The following NCOA4 variants were observed in gnomAD, a reference collection of about 807,000 sequenced individuals.
NCOA4 encodes nuclear receptor coactivator 4, also known as 70 kDa AR-activator.
A neutral mutation model predicts 69.5 loss-of-function variants in NCOA4; 31 were observed. The ratio of observed to expected loss-of-function variants is 0.45; its 90% CI spans 0.34 to 0.60. The LOEUF (loss-of-function observed/expected upper bound fraction) is 0.60, where lower values mean the gene tolerates loss of function less well. NCOA4 is among the 20% of genes least tolerant of loss of function. The pLI, the probability that NCOA4 is intolerant of heterozygous loss-of-function variation, is 0.02. For synonymous variants in NCOA4, 228 were observed against 252.4 expected, an observed-to-expected ratio of 0.90 and a Z score of 0.92; for missense variants, 600 against 719.2, an observed-to-expected ratio of 0.83 and a Z score of 1.90.
At chr10:46,023,659 T>TGGCA (rs2132377006) in intron 1 of NCOA4, among the ~76,000 whole-genome samples, 1 of 152,368 alleles carries the variant, frequency 6.6e-6, no homozygotes, top group African/African-American at 2.4e-5. Context: ...GGACCTCGGA[T>TGGCA]GGCACCTGGG....
At chr10:46,007,000 C>T (rs782199739) in intron 9 of NCOA4, among the ~76,000 whole-genome samples, 3 of 152,188 alleles carry the variant, frequency 2.0e-5, no homozygotes, top group Non-Finnish European at 2.9e-5. Context: ...TTGAAGGCCA[C>T]GAGAGGCTGA....
intron 7 of NCOA4, 54 bp downstream of exon 7, chr10:46,012,829 C>G (rs1590158473): frequency 6.3e-7 from 1 of 1,593,238 alleles, no homozygotes; most frequent in East Asian, 2.2e-5. Context: ...TGATTAGTAA[C>G]TAACTCCACC....
chr10:46,028,711 T>TA (rs1840289219), intron 1 of NCOA4, among the ~76,000 whole-genome samples: 1 of 152,140 alleles, frequency 6.6e-6, no homozygotes, highest in African/African-American at 2.4e-5. Flanking sequence ...ATCCAACAAC[T>TA]ATTTATTGAG....
chr10:46,012,942 T>A lies in NCOA4; in HGVS notation c.655A>T (p.Ile219Leu), dbSNP rs370206233. The A allele has an allele frequency of 1.9e-6, 3 of 1,614,068 alleles. No homozygotes were observed. The highest frequency in any genetic ancestry group is 2.7e-5 in the African/African-American group (2 of 74,926). Residue 219 changes from isoleucine (I) to leucine (L), a missense_variant, in exon 7 of 10, where the codon ATA (isoleucine) becomes TTA (leucine). By Grantham distance (5) the Ile-to-Leu change is conservative. Transcript: ENST00000581486. ...KPASGYQAPY[I>L]PSTDPQDWLT... ...CAGTCCTGGGGGTCGGTGCTGGGTA[T>A]GTAAGGAGCTTGATAACCACTGGCA...
intron 9 of NCOA4, chr10:46,009,035 C>A (rs1425600120): frequency 1.3e-5 from 11 of 816,812 alleles, no homozygotes; most frequent in African/African-American, 3.5e-5. Context: ...TTATATACAA[C>A]TTTTATATGC....
At chr10:46,016,508 C>T in intron 2 of NCOA4, 32 bp downstream of exon 2, 1 of 1,411,942 alleles carries the variant, frequency 7.1e-7, no homozygotes. Context: ...GTCAAGAGTC[C>T]AGACAACAGA....
chr10:46,008,422 A>C (rs1189116482), intron 9 of NCOA4, among the ~76,000 whole-genome samples: 5 of 152,210 alleles, frequency 3.3e-5, no homozygotes, highest in African/African-American at 1.2e-4. Context: ...GCTTGGAGGA[A>C]CTCAGGACTT....
At chr10:46,022,872 G>A (rs1839967736) in intron 1 of NCOA4, among the ~76,000 whole-genome samples, 1 of 152,148 alleles carries the variant, frequency 6.6e-6, no homozygotes, top group Non-Finnish European at 1.5e-5. Context: ...CTGAAATCCA[G>A]AATCTGGTTC....
intron 1 of NCOA4, chr10:46,019,530 G>T (rs1590171046): frequency 1.0e-6 from 1 of 985,166 alleles, no homozygotes; most frequent in Non-Finnish European, 1.2e-6. Context: ...GTGTAAAATT[G>T]AATCAATAAA....
intron 1 of NCOA4, among the ~76,000 whole-genome samples, chr10:46,026,080 A>T (rs569438291): frequency 1.3e-5 from 2 of 152,390 alleles, no homozygotes; most frequent in East Asian, 3.9e-4. Flanking sequence ...ATTAATGTTT[A>T]GGTTCAGACT....
intron 1 of NCOA4, chr10:46,027,385 T>C (rs1554925710): frequency 1.3e-6 from 2 of 1,525,382 alleles, no homozygotes; most frequent in South Asian, 1.2e-5. Context: ...AAGGACAATA[T>C]GGCAGCTCCT....
intron 1 of NCOA4, among the ~76,000 whole-genome samples, chr10:46,018,068 G>A (rs1247572598): frequency 5.3e-5 from 8 of 152,202 alleles, no homozygotes; most frequent in African/African-American, 1.9e-4. Flanking sequence ...ATTAGCTAAA[G>A]AGAAGCACAA....
At chr10:46,013,452 T>C in intron 6 of NCOA4, 98 bp downstream of exon 6, 1 of 873,896 alleles carries the variant, frequency 1.1e-6, no homozygotes, top group Non-Finnish European at 1.8e-6. Flanking sequence ...CACTGGTGCC[T>C]TTTTACAAAT....
chr10:46,024,116 G>T (rs1840040153), intron 1 of NCOA4, among the ~76,000 whole-genome samples: 1 of 152,156 alleles, frequency 6.6e-6, no homozygotes, highest in South Asian at 2.1e-4. Flanking sequence ...TGTCTGTGAT[G>T]CATACAATTT....
Position 46,012,925 on chromosome 10 carries a change from G to A in NCOA4, c.672C>T (p.Pro224=), listed in dbSNP as rs782403935. 7 of 1,613,994 alleles carry A rather than the reference G, an allele frequency of 4.3e-6. No individual in the cohort carries two copies. In the African/African-American group the frequency reaches 8.0e-5, roughly 18 times the overall value. ...YQAPYIPSTD[P]QDWLTQKQTL... is the part of the protein sequence containing the mutation. ...TCTGCTTTTGGGTAAGCCAGTCCTG[G>A]GGGTCGGTGCTGGGTATGTAAGGAG... The change falls in exon 7 of 10, where the codon CCC becomes CCT. Residue 224 remains proline (P), a synonymous_variant. Transcript: ENST00000581486.
chr10:46,025,227 C>G (rs1554925320), intron 1 of NCOA4, among the ~76,000 whole-genome samples: 2 of 152,200 alleles, frequency 1.3e-5, no homozygotes, highest in Non-Finnish European at 2.9e-5. Context: ...GCCTGGAGTT[C>G]TGTTGTCCAA....
In NCOA4 at chr10:46,010,649, C is replaced by T. The variant is rs782299744; in HGVS notation, c.1272G>A (p.Lys424=). The T allele has an allele frequency of 5.0e-6, 8 of 1,614,144 alleles. No individual in the cohort carries two copies. In the Admixed American group the frequency reaches 1.0e-4, roughly 20 times the overall value. The change falls in exon 8 of 10, where the codon AAG becomes AAA. Residue 424 remains lysine, a synonymous_variant. Coordinates refer to ENST00000581486, the MANE Select transcript of NCOA4 (RefSeq NM_001145263.2). ...AECVCDENCE[K]EALYKWLLKK... ...TCAGAAGCCACTTATACAGAGCCTC[C>T]TTCTCACAATTCTCATCACACACAC...
At position 46,023,326 on chromosome 10, in the gene NCOA4, G is replaced by T. The variant is rs538095429; in HGVS notation, c.-14-6632C>A. 5.9e-5 allele frequency: 58 copies of T among 985,546 alleles called. 1 individual carries two copies. The South Asian group carries it at 2.7e-3, about 45-fold the overall frequency. The allele number at this position is 985,546 out of a possible 1,614,324, so 61.1% of individuals were successfully genotyped here. A position where few individuals can be genotyped will look rare whatever the true frequency, so the allele number is the denominator to read the frequency against. On this transcript the variant is annotated intron_variant, in intron 1 of 9. Coordinates refer to ENST00000581486, the MANE Select transcript of NCOA4 (RefSeq NM_001145263.2). The stretch of plus-strand genomic sequence containing the variant: ...CGCTACGGCCCCTGGGCTGCCAGAC[G>T]TACCTCACAGGCCAGGTCACCGACT...
At chr10:46,025,360 A>C (rs1174917083) in intron 1 of NCOA4, among the ~76,000 whole-genome samples, 2 of 152,154 alleles carry the variant, frequency 1.3e-5, no homozygotes, top group Admixed American at 6.5e-5. Context: ...GATTTTCCCC[A>C]CCTAATCCAC....
Sources: gnomAD v4.1 joint callset for allele counts (sites outside exome capture counted in the v4.1 genomes callset) on GRCh38, gnomAD v4.1.1 for gene constraint, MANE v1.5 for transcripts, NCBI Gene and HGNC (gene_info 2026-07-23, HGNC 2026-07-21) for gene names.